CCBE1: variants seen among roughly 807,000 people sequenced by gnomAD.
The protein encoded by CCBE1 is collagen and calcium binding EGF domains 1, also known as collagen and calcium-binding EGF domain-containing protein 1.
In CCBE1, 37 loss-of-function variants were observed where a neutral mutation model predicts 50.0. That is an observed-to-expected ratio of 0.74 (90% confidence interval 0.57 to 0.97). The LOEUF is 0.97. Among genes scored for constraint, CCBE1 ranks in the 50% least tolerant of loss-of-function variants. The pLI is 0.00. For synonymous variants in CCBE1, 234 were observed against 203.7 expected (o/e 1.15, Z -1.27); for missense variants, 538 against 523.8 (o/e 1.03, Z -0.26).
At chr18:59,590,798 C>A (rs1443160441) in intron 2 of CCBE1, among the ~76,000 whole-genome samples, 1 of 152,150 alleles carries the variant, frequency 6.6e-6, no homozygotes, top group Non-Finnish European at 1.5e-5. Flanking sequence ...ATTAGGACAA[C>A]TAAATAGTCC....
At chr18:59,455,431 C>T (rs902365707) in intron 5 of CCBE1, among the ~76,000 whole-genome samples, 1 of 152,286 alleles carries the variant, frequency 6.6e-6, no homozygotes. Context: ...GGGAGCTGAC[C>T]TCACCGACGC....
intron 2 of CCBE1, among the ~76,000 whole-genome samples, chr18:59,658,628 T>C (rs1156386493): frequency 2.0e-5 from 3 of 149,494 alleles, no homozygotes; most frequent in African/African-American, 7.4e-5. Context: ...ACGCCTGTAA[T>C]CCCAGCACTT....
intron 2 of CCBE1, among the ~76,000 whole-genome samples, chr18:59,687,956 G>GA (rs752081702): frequency 1.6e-3 from 237 of 151,748 alleles, no homozygotes; most frequent in African/African-American, 4.8e-3. Flanking sequence ...GATTCCATTT[G>GA]AAAAAAAAGA....
intron 2 of CCBE1, among the ~76,000 whole-genome samples, chr18:59,663,313 G>C (rs1160076971): frequency 6.6e-6 from 1 of 152,090 alleles, no homozygotes; most frequent in African/African-American, 2.4e-5. Flanking sequence ...TAGTAATGAG[G>C]GTGTGAACTT....
rs978378788 is a variant in CCBE1, at chr18:59,643,970, C to G, written c.212+52659G>C. The stretch of plus-strand genomic sequence containing the variant: ...TGTATTTGGCCCAGGCCCTCTCCCC[C>G]ACCTCTGGAGCCTCCCACAGGATTA... On this transcript the variant is annotated intron_variant, in intron 2 of 10. Transcript: ENST00000439986. 3.9e-5 allele frequency among the ~76,000 whole-genome samples: 6 copies of G among 152,202 alleles called. No individual in the cohort carries two copies. The East Asian group carries it at 7.7e-4, about 20-fold the overall frequency.
chr18:59,509,343 C>A (rs1401355299), intron 2 of CCBE1, among the ~76,000 whole-genome samples: 2 of 152,106 alleles, frequency 1.3e-5, no homozygotes, highest in Non-Finnish European at 2.9e-5. Flanking sequence ...TATATATACA[C>A]ACACACAGTA....
At chr18:59,541,249 T>C (rs988070003) in intron 2 of CCBE1, among the ~76,000 whole-genome samples, 4 of 152,238 alleles carry the variant, frequency 2.6e-5, no homozygotes, top group African/African-American at 4.8e-5. Flanking sequence ...TTAAATTCTA[T>C]TCAGTACTCT....
In CCBE1 at chr18:59,607,217, T is replaced by G. The variant is rs147922447; in HGVS notation, c.212+89412A>C. On this transcript the variant is annotated intron_variant, in intron 2 of 10. Transcript: ENST00000439986. ...TTACAATGCAGATTTGGTTCTCTAATTTTGCATGCTTTTGGCTGACATTTA... is the reference window on the plus strand; with the variant it reads ...TTACAATGCAGATTTGGTTCTCTAAGTTTGCATGCTTTTGGCTGACATTTA... Among the ~76,000 whole-genome samples, 17 of 152,344 alleles carry G rather than the reference T, an allele frequency of 1.1e-4. No individual in the cohort carries two copies. The East Asian group carries it at 3.1e-3, about 28-fold the overall frequency.
At chr18:59,673,373 C>T (rs957759397) in intron 2 of CCBE1, among the ~76,000 whole-genome samples, 16 of 152,174 alleles carry the variant, frequency 1.1e-4, no homozygotes, top group Non-Finnish European at 1.8e-4. Flanking sequence ...ATTGCTTGAA[C>T]CCAGGATGTG....
intron 7 of CCBE1, 82 bp downstream of exon 7, chr18:59,447,901 T>A (rs3809990): frequency 5.7e-5 from 92 of 1,600,586 alleles, no homozygotes; most frequent in Non-Finnish European, 7.7e-5. Flanking sequence ...CTGGAGAACA[T>A]TGTCCAGGCC....
intron 2 of CCBE1, among the ~76,000 whole-genome samples, chr18:59,522,991 T>C (rs8084391): frequency 0.35 from 30,435 of 86,736 alleles, 5,592 homozygotes; most frequent in African/African-American, 0.6. Context: ...GAGACTCTGT[T>C]TCAAAAAAAA....
chr18:59,567,761 A>G (rs2052851551), intron 2 of CCBE1, among the ~76,000 whole-genome samples: 1 of 152,000 alleles, frequency 6.6e-6, no homozygotes. Context: ...CACTACCACC[A>G]CCACACTGTT....
chr18:59,466,089 T>C (rs557363776), intron 5 of CCBE1, among the ~76,000 whole-genome samples: 34 of 152,234 alleles, frequency 2.2e-4, no homozygotes, highest in Admixed American at 1.0e-3. Context: ...GATTGTGCTC[T>C]TAATATATAA....
intron 2 of CCBE1, among the ~76,000 whole-genome samples, chr18:59,620,620 G>T (rs2053699285): frequency 6.6e-6 from 1 of 152,150 alleles, no homozygotes; most frequent in Admixed American, 6.5e-5. Flanking sequence ...AATCACGGGG[G>T]CAAGTCTTTC....
intron 2 of CCBE1, among the ~76,000 whole-genome samples, chr18:59,565,328 A>G (rs2052806292): frequency 6.6e-6 from 1 of 152,362 alleles, no homozygotes; most frequent in East Asian, 1.9e-4. Flanking sequence ...ATGGCACAGG[A>G]CTGGGGATCA....
chr18:59,601,008 CAGTTTTTTTTTTTTTTTTT>C (rs2053421081), intron 2 of CCBE1, among the ~76,000 whole-genome samples: 1 of 78,362 alleles, frequency 1.3e-5, no homozygotes, highest in African/African-American at 4.3e-5. Context: ...AGCTATGTGT[CAGTTTTTTTTTTTTTTTTT>C]TTTTTTTTTT....
intron 2 of CCBE1, among the ~76,000 whole-genome samples, chr18:59,569,475 C>G (rs192542550): frequency 3.0e-4 from 46 of 152,292 alleles, no homozygotes; most frequent in African/African-American, 1.0e-3. Flanking sequence ...CAGATACAAA[C>G]TCCCAATTTA....
chr18:59,696,125 C>T (rs1449885294), intron 2 of CCBE1, among the ~76,000 whole-genome samples: 2 of 152,116 alleles, frequency 1.3e-5, no homozygotes, highest in African/African-American at 4.8e-5. Flanking sequence ...TTTCCTCTGC[C>T]CCAACAATCT....
chr18:59,569,502 A>G (rs184265876), intron 2 of CCBE1, among the ~76,000 whole-genome samples: 1 of 152,354 alleles, frequency 6.6e-6, no homozygotes, highest in African/African-American at 2.4e-5. Flanking sequence ...AGAAAACAGA[A>G]TGTCAAAGAG....
Sources: gnomAD v4.1 joint callset for allele counts (sites outside exome capture counted in the v4.1 genomes callset) on GRCh38, gnomAD v4.1.1 for gene constraint, MANE v1.5 for transcripts, NCBI Gene and HGNC (gene_info 2026-07-23, HGNC 2026-07-21) for gene names.